Variants in DLEU7 observed in about 807,000 individuals in gnomAD.
DLEU7 encodes leukemia-associated protein 7.
In DLEU7, 17 loss-of-function variants were observed where a neutral mutation model predicts 16.0. The ratio of observed to expected loss-of-function variants is 1.06; its 90% confidence interval spans 0.73 to 1.59. The LOEUF (loss-of-function observed/expected upper bound fraction) is 1.59. Among genes scored for constraint, DLEU7 ranks in the 40% most tolerant of loss-of-function variants. The probability of loss-of-function intolerance (pLI) is 0.00; values close to 1 mark genes in which losing one functional copy is unlikely to be tolerated. For missense variants in DLEU7, 308 were observed against 314.9 expected (o/e 0.98, Z 0.17); for synonymous variants, 113 against 139.8 (o/e 0.81, Z 1.35).
chr13:50,843,420 C>T lies in DLEU7; in HGVS notation c.227G>A (p.Ser76Asn). The change falls in exon 1 of 2, where the codon AGT becomes AAT. Residue 76 changes from serine to asparagine, a missense_variant. Ser to Asn is a conservative substitution (Grantham distance 46). Transcript: ENST00000504404. The surrounding 1 kb of genome is among the most constrained non-coding windows in gnomAD (Gnocchi z 5.7). ...GTTCGCCCGCGCCGCGGTCCGCCGA[C>T]TCCTGGTCCCCACGCCCCCGCCCCG... ...EERGGGVGTR[S>N]RRTAARANSP... 1.5e-6 allele frequency: 2 copies of T among 1,324,896 alleles called. No individual in the cohort carries two copies. Among genetic ancestry groups the T allele is most frequent in the Non-Finnish European group, 1.9e-6 (2 of 1,042,800 alleles). The allele number at this position is 1,324,896 out of a possible 1,614,324, so 82.1% of individuals were successfully genotyped here.
intron 1 of DLEU7, among the ~76,000 whole-genome samples, chr13:50,815,227 T>C (rs1455273323): frequency 1.3e-5 from 2 of 152,156 alleles, no homozygotes; most frequent in Non-Finnish European, 2.9e-5. Context: ...AATTAATGCA[T>C]AGAAGTCCAT....
In DLEU7 at chr13:50,751,284, T is replaced by C. The variant is rs550510239; in HGVS notation, c.460-38044A>G. ...CCTGCATCCCTGGTATGAAACCCAC[T>C]TGATCGTGGTGGATTATCTTTTTGA... On this transcript the variant is annotated intron_variant, in intron 1 of 1. Coordinates refer to the DLEU7 transcript ENST00000400393. Among the ~76,000 whole-genome samples the C allele has an allele frequency of 7.2e-5, 11 of 152,332 alleles. No individual in the cohort carries two copies. In the South Asian group the frequency reaches 2.3e-3, roughly 32 times the overall value.
rs142005339 is a variant in DLEU7 at position 50,755,496 on chromosome 13, A to G, written c.460-42256T>C. Among the ~76,000 whole-genome samples the G allele has an allele frequency of 3.5e-3, 533 of 152,246 alleles. 5 individuals carry two copies. The highest frequency in any genetic ancestry group is 0.011 in the African/African-American group (445 of 41,524). ...TTCAATTCTATTGCTGAGACTTTCC[A>G]GAACATTTTGTATTTCTATAAATGT... On this transcript the variant is annotated intron_variant, in intron 1 of 1. Transcript: ENST00000400393.
At chr13:50,787,906 C>A (rs1875833568) in intron 1 of DLEU7, among the ~76,000 whole-genome samples, 2 of 152,116 alleles carry the variant, frequency 1.3e-5, no homozygotes, top group African/African-American at 2.4e-5. Context: ...CTTCACAAAC[C>A]CATATTCACT....
At chr13:50,798,785 G>A (rs113417089) in intron 1 of DLEU7, among the ~76,000 whole-genome samples, 2,226 of 152,290 alleles carry the variant, frequency 0.015, 61 homozygotes, top group African/African-American at 0.05. Context: ...CGAGGAGACT[G>A]TCAAAGCACT....
rs9596355 is a variant in DLEU7 at position 50,773,047 on chromosome 13, C to G, written c.460-59807G>C. ...ACAGTCACTGATACCCTTTCTTCCA[C>G]TTGATCGAATCAGATACTGAAACTT... On this transcript the variant is annotated intron_variant, in intron 1 of 1. Coordinates refer to the DLEU7 transcript ENST00000400393. Among the ~76,000 whole-genome samples, 1,022 of 152,250 alleles carry G rather than the reference C, an allele frequency of 6.7e-3. 10 individuals carry two copies. The highest frequency in any genetic ancestry group is 0.023 in the African/African-American group (954 of 41,560).
At chr13:50,716,303 G>A (rs1873437068) in intron 1 of DLEU7, among the ~76,000 whole-genome samples, 1 of 152,192 alleles carries the variant, frequency 6.6e-6, no homozygotes, top group South Asian at 2.1e-4. Context: ...TCAAGCCCTT[G>A]TTTCATTGAA....
intron 1 of DLEU7, among the ~76,000 whole-genome samples, chr13:50,772,224 G>T (rs1027575105): frequency 6.6e-6 from 1 of 152,130 alleles, no homozygotes; most frequent in Non-Finnish European, 1.5e-5. Context: ...TATCCAATTT[G>T]CCAGTCTGTG....
At chr13:50,842,943 C>T (rs906646593) in intron 1 of DLEU7, among the ~76,000 whole-genome samples, 1 of 151,978 alleles carries the variant, frequency 6.6e-6, no homozygotes, top group African/African-American at 2.4e-5. Context: ...GAGGTTTTGG[C>T]AAGGCAGTCC....
At chr13:50,757,018 A>G (rs1874782433) in intron 1 of DLEU7, among the ~76,000 whole-genome samples, 1 of 152,178 alleles carries the variant, frequency 6.6e-6, no homozygotes, top group African/African-American at 2.4e-5. Context: ...TGTGTTCAGG[A>G]GCGGAGGGTT....
At chr13:50,744,535 T>C (rs984281234) in intron 1 of DLEU7, among the ~76,000 whole-genome samples, 5 of 152,212 alleles carry the variant, frequency 3.3e-5, no homozygotes, top group African/African-American at 9.6e-5. Context: ...AAGCATACTT[T>C]TGTGGGTGAA....
At chr13:50,717,809 T>G (rs1873482349) in intron 1 of DLEU7, among the ~76,000 whole-genome samples, 1 of 152,228 alleles carries the variant, frequency 6.6e-6, no homozygotes, top group Non-Finnish European at 1.5e-5. Context: ...TTAATGTAGT[T>G]GCATCAATTC....
chr13:50,747,369 T>TGTGTGTGTGA (rs1257382659), intron 1 of DLEU7, among the ~76,000 whole-genome samples: 6 of 91,144 alleles, frequency 6.6e-5, no homozygotes, highest in African/African-American at 4.9e-4. Flanking sequence ...TGTGTGTGTG[T>TGTGTGTGTGA]GTGACAGAGA....
intron 1 of DLEU7, among the ~76,000 whole-genome samples, chr13:50,782,192 AAGTCCCTTG>A (rs1422739754): frequency 1.3e-5 from 2 of 152,200 alleles, no homozygotes; most frequent in Non-Finnish European, 2.9e-5. Flanking sequence ...AAGGGTCTGT[AAGTCCCTTG>A]AGAATAAAAA....
chr13:50,790,481 C>CT (rs1875923666), intron 1 of DLEU7, among the ~76,000 whole-genome samples: 2 of 120,186 alleles, frequency 1.7e-5, no homozygotes, highest in African/African-American at 3.2e-5. Flanking sequence ...TAAGGAGACC[C>CT]CCGCTGCTTT....
intron 1 of DLEU7, among the ~76,000 whole-genome samples, chr13:50,720,330 C>T (rs772380843): frequency 7.9e-5 from 12 of 152,182 alleles, no homozygotes; most frequent in Non-Finnish European, 1.3e-4. Context: ...CATATGTCAG[C>T]CAAACTTGGT....
At chr13:50,744,201 C>T (rs1874327608) in intron 1 of DLEU7, among the ~76,000 whole-genome samples, 1 of 152,170 alleles carries the variant, frequency 6.6e-6, no homozygotes, top group African/African-American at 2.4e-5. Flanking sequence ...GATATATGAG[C>T]AAAGGTCTGA....
At chr13:50,783,390 A>G (rs1420437463) in intron 1 of DLEU7, among the ~76,000 whole-genome samples, 2 of 152,186 alleles carry the variant, frequency 1.3e-5, no homozygotes, top group Non-Finnish European at 2.9e-5. Context: ...CTATATTTTC[A>G]GGTTACGTCA....
chr13:50,743,142 G>C (rs1185399092), intron 1 of DLEU7, among the ~76,000 whole-genome samples: 1 of 151,876 alleles, frequency 6.6e-6, no homozygotes, highest in Non-Finnish European at 1.5e-5. Flanking sequence ...GAAAAAGAGA[G>C]AGAGAGAGAG....
Sources: allele counts gnomAD v4.1 joint callset (sites outside exome capture counted in the v4.1 genomes callset), GRCh38; gene constraint gnomAD v4.1.1; non-coding constraint Gnocchi (gnomAD v3.1); transcripts MANE v1.5; gene names NCBI Gene and HGNC (gene_info 2026-07-23, HGNC 2026-07-21).